Variants in NFATC2 observed in about 807,000 individuals in gnomAD.
The protein encoded by NFATC2 is nuclear factor of activated T cells 2, also known as nuclear factor of activated T-cells, cytoplasmic 2.
NFATC2 carries 22 observed loss-of-function variants against 87.3 expected under a neutral mutation model. That is an observed-to-expected ratio of 0.25 (90% CI 0.18 to 0.36). NFATC2 has a LOEUF of 0.36. Ranked by LOEUF, NFATC2 falls within the 10% of genes least tolerant of loss-of-function variation. NFATC2 has a pLI of 1.00. For missense variants in NFATC2, 1,149 were observed against 1,259.1 expected (o/e 0.91, Z 1.32); for synonymous variants, 565 against 542.2 (o/e 1.04, Z -0.58).
intron 3 of NFATC2, among the ~76,000 whole-genome samples, chr20:51,513,724 C>T (rs1030344342): frequency 1.3e-4 from 20 of 152,314 alleles, no homozygotes; most frequent in African/African-American, 1.4e-4. Context: ...GACCAATGGG[C>T]GGCACCCTCC....
intron 6 of NFATC2, among the ~76,000 whole-genome samples, chr20:51,446,978 C>T (rs1985148838): frequency 6.6e-6 from 1 of 152,092 alleles, no homozygotes; most frequent in Admixed American, 6.5e-5. Flanking sequence ...AACATCACGC[C>T]GGGTACAACC....
upstream of NFATC2, among the ~76,000 whole-genome samples, chr20:51,546,523 TTCTC>T (rs2076891000): frequency 6.6e-6 from 1 of 152,150 alleles, no homozygotes; most frequent in African/African-American, 2.4e-5. Context: ...GCTGTCAACT[TTCTC>T]TCTATCCTGT....
At chr20:51,549,261 TTTTTG>T (rs1303917661) in intron 1 of NFATC2, among the ~76,000 whole-genome samples, 4 of 115,972 alleles carry the variant, frequency 3.4e-5, no homozygotes, top group African/African-American at 1.5e-4. Flanking sequence ...TTTTTTGGTT[TTTTTG>T]TTTGTTTGTT....
chr20:51,442,869 C>T (rs1364213462), intron 6 of NFATC2, among the ~76,000 whole-genome samples: 1 of 151,840 alleles, frequency 6.6e-6, no homozygotes, highest in African/African-American at 2.4e-5. Flanking sequence ...AGAGATGGAC[C>T]ATGTATGCCT....
chr20:51,403,981 A>G (rs1988310112), intron 9 of NFATC2, among the ~76,000 whole-genome samples: 1 of 152,208 alleles, frequency 6.6e-6, no homozygotes. Flanking sequence ...GGTTCAGGTA[A>G]GCAGACATCC....
intron 6 of NFATC2, among the ~76,000 whole-genome samples, chr20:51,438,443 G>GAAAAAAAAA (rs11474098): frequency 1.4e-5 from 2 of 139,006 alleles, no homozygotes; most frequent in Non-Finnish European, 1.5e-5. Context: ...AGCTTGCTTT[G>GAAAAAAAAA]AAAAAAAAAA....
chr20:51,402,523 T>C (rs1421934920), intron 9 of NFATC2, among the ~76,000 whole-genome samples: 2 of 148,554 alleles, frequency 1.3e-5, no homozygotes, highest in African/African-American at 2.5e-5. Context: ...CTATATTGAA[T>C]TGAGACATAG....
intron 9 of NFATC2, among the ~76,000 whole-genome samples, chr20:51,412,719 G>A (rs1485522688): frequency 1.3e-5 from 2 of 152,058 alleles, no homozygotes; most frequent in Admixed American, 1.3e-4. Context: ...CTGCCAGCTG[G>A]GTCCACGGGG....
intron 5 of NFATC2, among the ~76,000 whole-genome samples, chr20:51,462,780 C>G (rs1987291230): frequency 6.6e-6 from 1 of 152,118 alleles, no homozygotes; most frequent in South Asian, 2.1e-4. Flanking sequence ...CTTCATGAGA[C>G]CACAAAGCAG....
intron 4 of NFATC2, 21 bp downstream of exon 4, chr20:51,475,437 C>A: frequency 6.2e-7 from 1 of 1,612,700 alleles, no homozygotes. Context: ...AGACCCGCCG[C>A]CCTCAGCTCC....
chr20:51,534,410 C>T (rs530714125), intron 1 of NFATC2, among the ~76,000 whole-genome samples: 17 of 152,368 alleles, frequency 1.1e-4, no homozygotes, highest in Admixed American at 4.6e-4. Context: ...TCTCAGCTCA[C>T]TGCAACCTCT....
intron 3 of NFATC2, among the ~76,000 whole-genome samples, chr20:51,491,871 TAC>T (rs1472795857): frequency 1.2e-5 from 1 of 86,246 alleles, no homozygotes; most frequent in Non-Finnish European, 2.5e-5. Context: ...AACACACACA[TAC>T]ACATACACAC....
chr20:51,555,152 G>A (rs934936319), intron 1 of NFATC2, among the ~76,000 whole-genome samples: 1 of 152,172 alleles, frequency 6.6e-6, no homozygotes, highest in Non-Finnish European at 1.5e-5. Flanking sequence ...TGCCTGCCTA[G>A]CATTCACTCT....
intron 8 of NFATC2, among the ~76,000 whole-genome samples, chr20:51,433,758 C>CAT (rs1491167176): frequency 1.1e-4 from 10 of 88,926 alleles, no homozygotes; most frequent in Admixed American, 2.6e-4. Context: ...TTCATGCATG[C>CAT]ATGTGTGTGT....
In NFATC2 at chr20:51,562,013, C is replaced by T. The variant is rs140422807; in HGVS notation, c.70+547G>A. ...GCACTTTAAAGGGGTAGCTGGAGGA[C>T]TCTATCCAGCAGGCACATCAAAAAG... On this transcript the variant is annotated intron_variant, in intron 1 of 10. Transcript: ENST00000414705. The surrounding 1 kb of genome is among the most constrained non-coding windows in gnomAD (Gnocchi z 5.8). Among the ~76,000 whole-genome samples, 1 of 152,228 alleles carries T rather than the reference C, an allele frequency of 6.6e-6. No individual in the cohort carries two copies. The highest frequency in any genetic ancestry group is 2.4e-5 in the African/African-American group (1 of 41,532).
At chr20:51,410,525 T>A (rs1979058431) in intron 9 of NFATC2, among the ~76,000 whole-genome samples, 1 of 151,704 alleles carries the variant, frequency 6.6e-6, no homozygotes, top group African/African-American at 2.4e-5. Context: ...TAAAAGCAAT[T>A]TATTATTTAA....
intron 9 of NFATC2, among the ~76,000 whole-genome samples, chr20:51,421,165 A>C (rs1980849040): frequency 6.6e-6 from 1 of 152,160 alleles, no homozygotes; most frequent in Admixed American, 6.5e-5. Flanking sequence ...GGTGTAGAAG[A>C]AATCAGATTG....
At chr20:51,477,036 T>A (rs1988776536) in intron 3 of NFATC2, among the ~76,000 whole-genome samples, 1 of 152,068 alleles carries the variant, frequency 6.6e-6, no homozygotes, top group South Asian at 2.1e-4. Context: ...TAATTCCACC[T>A]CTCCATACGC....
chr20:51,540,650 TTTTTTTTG>T lies in NFATC2; in HGVS notation c.130+1712_130+1719del, dbSNP rs941748999. On this transcript the variant is annotated intron_variant, in intron 1 of 10. Transcript: ENST00000371564. ...TGAAACTGTTCCAAAAACTGAAGTTTTTTTTTTGTTTTTTTTTTTTTGAGAAAACAGAT... is the reference window on the plus strand; with the variant it reads ...TGAAACTGTTCCAAAAACTGAAGTTTTTTTTTTTTTTTTGAGAAAACAGAT... Among the ~76,000 whole-genome samples the T allele has an allele frequency of 7.8e-5, 10 of 128,102 alleles. 1 individual carries two copies. The highest frequency in any genetic ancestry group is 3.2e-4 in the African/African-American group (9 of 28,476). 84.0% of individuals were successfully genotyped at this position (128,102 alleles called of 152,430 possible). A position where few individuals can be genotyped will look rare whatever the true frequency, so the allele number is the denominator to read the frequency against.
Sources: allele counts gnomAD v4.1 joint callset (sites outside exome capture counted in the v4.1 genomes callset), GRCh38; gene constraint gnomAD v4.1.1; non-coding constraint Gnocchi (gnomAD v3.1); transcripts MANE v1.5; gene names NCBI Gene and HGNC (gene_info 2026-07-23, HGNC 2026-07-21).